CLIC2: variants seen among roughly 807,000 people sequenced by gnomAD.
CLIC2 encodes the protein chloride intracellular channel protein 2.
A neutral mutation model predicts 14.8 loss-of-function variants in CLIC2; 9 were observed. That is an observed-to-expected ratio of 0.61 (90% CI 0.37 to 1.06). The LOEUF (loss-of-function observed/expected upper bound fraction) is 1.06, where lower values mean the gene tolerates loss of function less well. Ranked by LOEUF, CLIC2 falls within the 50% of genes least tolerant of loss-of-function variation. The pLI is 0.01. For synonymous variants in CLIC2, 61 were observed against 66.3 expected, an observed-to-expected ratio of 0.92 and a Z score of 0.39; for missense variants, 148 against 181.4, an observed-to-expected ratio of 0.82 and a Z score of 1.06.
At chrX:155,322,194 G>A (rs1180017897) in intron 1 of CLIC2, among the ~76,000 whole-genome samples, 5 of 110,987 alleles carry the variant, frequency 4.5e-5, no homozygotes, top group Admixed American at 1.9e-4. Flanking sequence ...ACTCAGCTCC[G>A]GACCAAGCAG....
chrX:155,320,761 C>T (rs1225448197), intron 1 of CLIC2, among the ~76,000 whole-genome samples: 1 of 110,959 alleles, frequency 9.0e-6, no homozygotes, highest in Non-Finnish European at 1.9e-5. Flanking sequence ...ATAACAAACT[C>T]GTCCAAGATA....
chrX:155,322,692 G>A (rs190590419), intron 1 of CLIC2, among the ~76,000 whole-genome samples: 4 of 110,906 alleles, frequency 3.6e-5, no homozygotes, highest in Admixed American at 2.9e-4. Context: ...AAGACAAGAA[G>A]CAACTAAGAT....
intron 3 of CLIC2, among the ~76,000 whole-genome samples, chrX:155,284,243 T>TACTTGTA (rs2074931882): frequency 1.0e-5 from 1 of 96,135 alleles, no homozygotes; most frequent in Admixed American, 1.3e-4. Context: ...CTCAGCCTCT[T>TACTTGTA]TCTCCCTGGG....
At chrX:155,290,018 T>G (rs542899) in intron 3 of CLIC2, among the ~76,000 whole-genome samples, 2 of 110,582 alleles carry the variant, frequency 1.8e-5, no homozygotes, top group Non-Finnish European at 3.8e-5. Context: ...CTGTCCTACA[T>G]GAAAGTAGTA....
At chrX:155,328,813 T>C (rs1368278419) in intron 1 of CLIC2, among the ~76,000 whole-genome samples, 1 of 110,597 alleles carries the variant, frequency 9.0e-6, no homozygotes, top group African/African-American at 3.3e-5. Context: ...AACCTGGAGA[T>C]AAGTCTATAC....
At chrX:155,325,625 T>C (rs2075133441) in intron 1 of CLIC2, among the ~76,000 whole-genome samples, 2 of 106,496 alleles carry the variant, frequency 1.9e-5, no homozygotes, top group Non-Finnish European at 3.9e-5. Flanking sequence ...CATTACCTAA[T>C]GCATGTGGAG....
At position 155,299,110 on chromosome X, in the gene CLIC2, G is replaced by A; in HGVS notation, c.93C>T (p.Pro31=). Residue 31 remains proline, a synonymous_variant, in exon 2 of 6, where the codon CCC becomes CCT. Coordinates refer to ENST00000369449, the MANE Select transcript of CLIC2 (RefSeq NM_001289.6). The part of the protein sequence containing the change: ...GSDGESIGNC[P]FCQRLFMILW... ...GGATCATGAAAAGGCGTTGGCAAAA[G>A]GGACAGTTTCCAATACTCTCTCCAT... is the stretch of plus-strand genomic sequence containing the variant. The A allele has an allele frequency of 8.3e-7, 1 of 1,209,003 alleles. No homozygotes were observed.
chrX:155,281,512 TA>T (rs1164778190), intron 3 of CLIC2, among the ~76,000 whole-genome samples: 11 of 109,760 alleles, frequency 1.0e-4, no homozygotes, highest in East Asian at 8.5e-4. Flanking sequence ...TTCCTTTTCA[TA>T]AAAAAAAATT....
chrX:155,321,169 A>G (rs957922272), intron 1 of CLIC2, among the ~76,000 whole-genome samples: 2 of 111,946 alleles, frequency 1.8e-5, no homozygotes, highest in South Asian at 7.5e-4. Flanking sequence ...AACTTCCCCA[A>G]CCTAGCAAGG....
chrX:155,321,229 C>G (rs782013376), intron 1 of CLIC2, among the ~76,000 whole-genome samples: 145 of 111,227 alleles, frequency 1.3e-3, no homozygotes, highest in African/African-American at 4.6e-3. Context: ...CAAAGATACT[C>G]CTCGAGAAGA....
intron 1 of CLIC2, among the ~76,000 whole-genome samples, chrX:155,327,229 G>T (rs782761568): frequency 3.6e-5 from 4 of 111,208 alleles, no homozygotes; most frequent in Admixed American, 9.6e-5. Context: ...TAATGTTATA[G>T]AAATAAATTC....
At chrX:155,318,996 T>C (rs2075104185) in intron 1 of CLIC2, among the ~76,000 whole-genome samples, 1 of 111,882 alleles carries the variant, frequency 8.9e-6, no homozygotes, top group African/African-American at 3.3e-5. Context: ...GTCGGGATAA[T>C]TGGCAAGCCA....
chrX:155,291,139 C>G, intron 3 of CLIC2: 1 of 1,014,023 alleles, frequency 9.9e-7, no homozygotes, highest in Non-Finnish European at 1.4e-6. Context: ...CATTCATATC[C>G]CTGGGCATTC....
At chrX:155,306,733 G>A (rs2075056975) in intron 1 of CLIC2, among the ~76,000 whole-genome samples, 1 of 107,564 alleles carries the variant, frequency 9.3e-6, no homozygotes, top group African/African-American at 3.4e-5. Context: ...GCAGGAGTGA[G>A]AGAGAGAGAG....
rs868978687 is a variant in CLIC2, at chrX:155,301,138, G to A, written c.58-1993C>T. On this transcript the variant is annotated intron_variant, in intron 1 of 5. Coordinates refer to ENST00000369449, the MANE Select transcript of CLIC2 (RefSeq NM_001289.6). ...AGAAAGGCATTGGTAGCTTGATGGG[G>A]ATGGCATTGAATCTGTAAATTACCT... 2.3e-3 allele frequency among the ~76,000 whole-genome samples: 181 copies of A among 80,115 alleles called. 2 individuals are homozygous for A. In the South Asian group the frequency reaches 0.024, roughly 11 times the overall value. 69.6% of individuals were successfully genotyped at this position (80,115 alleles called of 115,157 possible).
At chrX:155,323,072 C>T (rs980591234) in intron 1 of CLIC2, among the ~76,000 whole-genome samples, 5 of 112,075 alleles carry the variant, frequency 4.5e-5, no homozygotes, top group Non-Finnish European at 9.4e-5. Flanking sequence ...CAGGATCAGA[C>T]GGATTCACAG....
chrX:155,304,926 A>T (rs782629206), intron 1 of CLIC2, among the ~76,000 whole-genome samples: 41 of 104,565 alleles, frequency 3.9e-4, no homozygotes, highest in African/African-American at 1.3e-3. Flanking sequence ...TTGAGGAGGC[A>T]GTCTGCCCGT....
chrX:155,333,163 C>T (rs1557322999), intron 1 of CLIC2, among the ~76,000 whole-genome samples: 4 of 111,848 alleles, frequency 3.6e-5, no homozygotes, highest in Admixed American at 9.5e-5. Flanking sequence ...AATAATCTAA[C>T]TGGCTGTAAA....
chrX:155,300,833 G>T lies in CLIC2; in HGVS notation c.58-1688C>A, dbSNP rs1302152787. Among the ~76,000 whole-genome samples the T allele has an allele frequency of 6.7e-5, 6 of 89,225 alleles. No individual in the cohort carries two copies. The East Asian group carries it at 1.4e-3, about 21-fold the overall frequency. The allele number at this position is 89,225 out of a possible 115,157, so 77.5% of individuals were successfully genotyped here. A position where few individuals can be genotyped will look rare whatever the true frequency, so the allele number is the denominator to read the frequency against. On this transcript the variant is annotated intron_variant, in intron 1 of 5. Coordinates refer to ENST00000369449, the MANE Select transcript of CLIC2 (RefSeq NM_001289.6). ...TTCCCAGCACCATTTAATAAATAGGGAATCCTTTCCCCATTGCTTGTTTTT... is the reference window on the plus strand; with the variant it reads ...TTCCCAGCACCATTTAATAAATAGGTAATCCTTTCCCCATTGCTTGTTTTT...
Sources: allele counts gnomAD v4.1 joint callset (sites outside exome capture counted in the v4.1 genomes callset), GRCh38; gene constraint gnomAD v4.1.1; transcripts MANE v1.5; gene names NCBI Gene and HGNC (gene_info 2026-07-23, HGNC 2026-07-21).